KCNN1: variants seen among roughly 807,000 people sequenced by gnomAD.
KCNN1 encodes small conductance calcium-activated potassium channel protein 1.
A neutral mutation model predicts 44.7 loss-of-function variants in KCNN1; 20 were observed. That is an observed-to-expected ratio of 0.45 (90% CI 0.32 to 0.65). KCNN1 has a LOEUF of 0.65. KCNN1 is among the 30% of genes least tolerant of loss of function. KCNN1 has a pLI of 0.05. For missense variants in KCNN1, 632 were observed against 785.3 expected, an observed-to-expected ratio of 0.80 and a Z score of 2.33; for synonymous variants, 324 against 341.7, an observed-to-expected ratio of 0.95 and a Z score of 0.57.
intron 5 of KCNN1, among the ~76,000 whole-genome samples, chr19:17,986,658 T>C (rs574041688): frequency 1.3e-5 from 2 of 152,272 alleles, no homozygotes; most frequent in East Asian, 3.9e-4. Flanking sequence ...CGCTTTTCCA[T>C]GTTTTATTTT....
intron 4 of KCNN1, among the ~76,000 whole-genome samples, chr19:17,984,264 G>A (rs1568456466): frequency 1.3e-5 from 2 of 152,126 alleles, no homozygotes; most frequent in Non-Finnish European, 2.9e-5. Flanking sequence ...TTCCGCGGGA[G>A]TGAAGACCCC....
intron 3 of KCNN1, among the ~76,000 whole-genome samples, chr19:17,976,786 G>A (rs1336693999): frequency 2.6e-5 from 4 of 151,574 alleles, no homozygotes; most frequent in Non-Finnish European, 5.9e-5. Flanking sequence ...CGCGATCTTG[G>A]CTCACTGCAA....
Position 17,973,942 on chromosome 19 carries a change from G to A in KCNN1, c.54G>A (p.Pro18=), listed in dbSNP as rs372963972. The change falls in exon 2 of 10, where the codon CCG becomes CCA. Residue 18 remains proline, a synonymous_variant. Transcript: ENST00000684775. ...GSVGRPLGSG[P]GALGRDPPDP... is the part of the protein sequence containing the mutation. ...TGGGGCGGCCGCTGGGCAGCGGGCCGGGCGCCCTGGGACGAGACCCTCCGG... is the reference window on the plus strand; with the variant it reads ...TGGGGCGGCCGCTGGGCAGCGGGCCAGGCGCCCTGGGACGAGACCCTCCGG... The A allele has an allele frequency of 1.3e-4, 195 of 1,556,944 alleles. No homozygotes were observed. Among genetic ancestry groups the A allele is most frequent in the Non-Finnish European group, 1.5e-4 (174 of 1,152,808 alleles).
chr19:17,994,636 C>T lies in KCNN1; in HGVS notation c.1377+1077C>T, dbSNP rs907141664. The stretch of plus-strand genomic sequence containing the variant: ...TCAGCTCACTGCAACTTCCGCCTCC[C>T]GGGTTCAAGCAATTCTCGTGCTTCA... On this transcript the variant is annotated intron_variant, in intron 9 of 9. Transcript: ENST00000684775. Among the ~76,000 whole-genome samples, 9 of 152,096 alleles carry T rather than the reference C, an allele frequency of 5.9e-5. 1 individual carries two copies. The South Asian group carries it at 1.5e-3, about 25-fold the overall frequency.
rs1282622037 is a variant in KCNN1 at position 17,982,103 on chromosome 19, C to T, written c.893C>T (p.Ala298Val). 6.3e-7 allele frequency: 1 copy of T among 1,592,956 alleles called. No individual in the cohort carries two copies. Among genetic ancestry groups the T allele is most frequent in the Non-Finnish European group, 8.5e-7 (1 of 1,170,734 alleles). Residue 298 changes from alanine to valine, a missense_variant, in exon 4 of 10, where the codon GCC (alanine) becomes GTC (valine). Physicochemically the swap from Ala to Val is moderately conservative, Grantham distance 64 (BLOSUM62 0). Transcript: ENST00000684775. ...VFSISSWIIAAWTVRVCERYH... is the reference protein window; with the variant it reads ...VFSISSWIIAVWTVRVCERYH... ...AGCATCTCCTCCTGGATCATCGCAG[C>T]CTGGACCGTGCGCGTCTGCGAGAGG...
intron 3 of KCNN1, among the ~76,000 whole-genome samples, chr19:17,978,613 G>C (rs2032290939): frequency 6.7e-6 from 1 of 150,286 alleles, no homozygotes; most frequent in South Asian, 2.1e-4. Context: ...TATATATACA[G>C]ATATATAAAA....
Position 17,975,064 on chromosome 19 carries a change from A to G in KCNN1, c.403-28A>G, listed in dbSNP as rs778520871. 7.5e-6 allele frequency: 12 copies of G among 1,592,368 alleles called. No individual in the cohort carries two copies. The East Asian group carries it at 2.5e-4, about 33-fold the overall frequency. On this transcript the variant is annotated intron_variant, in intron 2 of 9. Coordinates refer to ENST00000684775, the MANE Select transcript of KCNN1 (RefSeq NM_001386974.1). ...CGCCGGCCCACCGCCTCCAGCGTCCATCTGGCTGTGTCCTCTCTCTTTACC... is the reference window on the plus strand; with the variant it reads ...CGCCGGCCCACCGCCTCCAGCGTCCGTCTGGCTGTGTCCTCTCTCTTTACC...
chr19:17,967,901 G>A (rs1225302946), intron 1 of KCNN1, among the ~76,000 whole-genome samples: 3 of 152,020 alleles, frequency 2.0e-5, no homozygotes, highest in African/African-American at 4.8e-5. Flanking sequence ...CTCCAGGAGA[G>A]CAGGCTAATT....
chr19:17,967,103 G>A (rs1347677511), upstream of KCNN1: 3 of 979,854 alleles, frequency 3.1e-6, no homozygotes, highest in African/African-American at 1.8e-5. Context: ...CTCCCGGCCC[G>A]GGCGGGCGCT....
Position 17,985,405 on chromosome 19 carries a change from G to A in KCNN1, c.1011G>A (p.Val337=). The A allele has an allele frequency of 3.1e-6, 5 of 1,611,446 alleles. No individual in the cohort carries two copies. Among genetic ancestry groups the A allele is most frequent in the Non-Finnish European group, 4.2e-6 (5 of 1,178,180 alleles). Residue 337 remains valine, a synonymous_variant, in exon 5 of 10, where the codon GTG becomes GTA. Transcript: ENST00000684775. ...TCTCCATTGGCTACGGCGACATGGT[G>A]CCCCACACCTACTGCGGGAAGGGTG... ...TFLSIGYGDM[V]PHTYCGKGVC... is the part of the protein sequence containing the mutation.
rs1335077250 is a variant in KCNN1, at chr19:17,973,941, C to T, written c.53C>T (p.Pro18Leu). Residue 18 changes from proline to leucine, a missense_variant, in exon 2 of 10, where the codon CCG becomes CTG. Around this residue, in one of 3 missense-constraint regions of KCNN1, gnomAD observed 235 missense variants for 224.0 expected, o/e 1.05. Coordinates refer to ENST00000684775, the MANE Select transcript of KCNN1 (RefSeq NM_001386974.1). ...GTGGGGCGGCCGCTGGGCAGCGGGC[C>T]GGGCGCCCTGGGACGAGACCCTCCG... ...GSVGRPLGSG[P>L]GALGRDPPDP... 10 of 1,556,980 alleles carry T rather than the reference C, an allele frequency of 6.4e-6. No individual in the cohort carries two copies. The highest frequency in any genetic ancestry group is 1.7e-4 in the Middle Eastern group (1 of 6,008).
At chr19:17,951,683 G>A (rs1175538744) in intron 1 of KCNN1, among the ~76,000 whole-genome samples, 1 of 152,170 alleles carries the variant, frequency 6.6e-6, no homozygotes, top group Non-Finnish European at 1.5e-5. Flanking sequence ...CTGTGGTTTG[G>A]TTCTGGCCAC....
chr19:17,992,229 A>AGCTACTC (rs2032819188), intron 7 of KCNN1, among the ~76,000 whole-genome samples: 1 of 152,018 alleles, frequency 6.6e-6, no homozygotes, highest in Non-Finnish European at 1.5e-5. Flanking sequence ...AGGCTGAGGC[A>AGCTACTC]GGAGAATCAC....
chr19:17,952,065 G>C (rs2145892632), intron 1 of KCNN1: 1 of 152,444 alleles, frequency 6.6e-6, no homozygotes, highest in South Asian at 2.1e-4. Context: ...GCTTTGGCGA[G>C]AGACCTGGAG....
upstream of KCNN1, among the ~76,000 whole-genome samples, chr19:17,966,111 G>A (rs1408433170): frequency 6.6e-6 from 1 of 151,022 alleles, no homozygotes; most frequent in Non-Finnish European, 1.5e-5. Context: ...GAGCTCCGCA[G>A]AGGAAACACA....
At chr19:17,973,763 G>A in intron 1 of KCNN1, 45 bp from the exon 2 acceptor site, 2 of 1,451,030 alleles carry the variant, frequency 1.4e-6, no homozygotes, top group Non-Finnish European at 1.8e-6. Context: ...TTTCTGGTCA[G>A]TAAGCTGGAC....
chr19:17,956,164 C>G (rs2031540453), intron 2 of KCNN1, among the ~76,000 whole-genome samples: 1 of 152,208 alleles, frequency 6.6e-6, no homozygotes, highest in African/African-American at 2.4e-5. Context: ...TCTCGAACTC[C>G]TGACCTCAGG....
chr19:17,951,709 C>T (rs146440766), intron 1 of KCNN1, among the ~76,000 whole-genome samples: 132 of 152,352 alleles, frequency 8.7e-4, no homozygotes, highest in South Asian at 5.6e-3. Context: ...CTCCCCCTTC[C>T]TAGCTGGGAC....
chr19:17,961,582 C>CTTTTTTTTTTT (rs756599442), intron 2 of KCNN1, among the ~76,000 whole-genome samples: 2 of 101,308 alleles, frequency 2.0e-5, no homozygotes, highest in Non-Finnish European at 3.8e-5. Context: ...TTCTTTCTTT[C>CTTTTTTTTTTT]TTTCTTTTTT....
Sources: gnomAD v4.1 joint callset for allele counts (sites outside exome capture counted in the v4.1 genomes callset) on GRCh38, gnomAD v4.1.1 for gene constraint, gnomAD v4.1.1 regional missense constraint, MANE v1.5 for transcripts, NCBI Gene and HGNC (gene_info 2026-07-23, HGNC 2026-07-21) for gene names.